GABRG1: variants seen among roughly 807,000 people sequenced by gnomAD.
The protein encoded by GABRG1 is gamma-aminobutyric acid type A receptor subunit gamma1.
A neutral mutation model predicts 49.8 loss-of-function variants in GABRG1; 49 were observed. That is an observed-to-expected ratio of 0.98 (90% CI 0.78 to 1.25). The LOEUF (loss-of-function observed/expected upper bound fraction) is 1.25, where lower values mean the gene tolerates loss of function less well. Ranked by LOEUF, GABRG1 falls within the 50% of genes most tolerant of loss-of-function variation. GABRG1 has a pLI of 0.00. For synonymous variants in GABRG1, 232 were observed against 185.1 expected, an observed-to-expected ratio of 1.25 and a Z score of -2.06; for missense variants, 552 against 552.3, an observed-to-expected ratio of 1.00 and a Z score of 0.01.
At chr4:46,069,651 A>G (rs990729477) in intron 3 of GABRG1, among the ~76,000 whole-genome samples, 1 of 152,142 alleles carries the variant, frequency 6.6e-6, no homozygotes, top group Non-Finnish European at 1.5e-5. Context: ...CTCTCTTTTT[A>G]TATCTATGAA....
intron 5 of GABRG1, among the ~76,000 whole-genome samples, chr4:46,060,027 C>T (rs1718612296): frequency 6.6e-6 from 1 of 151,902 alleles, no homozygotes; most frequent in Non-Finnish European, 1.5e-5. Context: ...TTTTTGTCTA[C>T]TTTGTAGCTG....
intron 1 of GABRG1, among the ~76,000 whole-genome samples, chr4:46,112,255 G>A (rs984916100): frequency 5.8e-4 from 88 of 151,098 alleles, no homozygotes; most frequent in African/African-American, 2.0e-3. Context: ...ACCTCTAAAC[G>A]TCAGAGAAAT....
At chr4:46,058,678 C>G (rs1718552333) in intron 5 of GABRG1, 56 bp from the exon 6 acceptor site, 2 of 1,321,616 alleles carry the variant, frequency 1.5e-6, no homozygotes, top group Non-Finnish European at 2.1e-6. Flanking sequence ...CATTGCAATG[C>G]CAACATTATC....
Position 46,036,738 on chromosome 4 carries a change from T to C in GABRG1, c.*4250A>G, listed in dbSNP as rs1717543434. The C allele has an allele frequency of 6.6e-6, 1 of 152,002 alleles. No individual in the cohort carries two copies. The highest frequency in any genetic ancestry group is 2.4e-5 in the African/African-American group (1 of 41,450). 9.4% of individuals were successfully genotyped at this position (152,002 alleles called of 1,614,324 possible). On this transcript the variant is annotated 3_prime_UTR_variant, in exon 9 of 9. Coordinates refer to ENST00000295452, the MANE Select transcript of GABRG1 (RefSeq NM_173536.4). ...GCCACTATAAGCTTATACGCCTAAC[T>C]GGCTTGTTATATTCCAAACCATCAC...
chr4:46,037,914 T>C lies in GABRG1; in HGVS notation c.*3074A>G, dbSNP rs1717592349. 1 of 151,700 alleles carries C rather than the reference T, an allele frequency of 6.6e-6. No individual in the cohort carries two copies. The highest frequency in any genetic ancestry group is 1.5e-5 in the Non-Finnish European group (1 of 67,734). 9.4% of individuals were successfully genotyped at this position (151,700 alleles called of 1,614,324 possible). On this transcript the variant is annotated 3_prime_UTR_variant, in exon 9 of 9. Coordinates refer to ENST00000295452, the MANE Select transcript of GABRG1 (RefSeq NM_173536.4). ...GAATTGGCATGAATGCAGATTTCAATTTTATTCTTGTTCTTGAGACAAAAA... is the reference window on the plus strand; with the variant it reads ...GAATTGGCATGAATGCAGATTTCAACTTTATTCTTGTTCTTGAGACAAAAA...
chr4:46,091,598 T>C (rs1719992197), intron 2 of GABRG1, among the ~76,000 whole-genome samples: 1 of 152,026 alleles, frequency 6.6e-6, no homozygotes, highest in African/African-American at 2.4e-5. Flanking sequence ...GTGTAAATAC[T>C]ACCAGTGAGA....
At chr4:46,078,827 T>G (rs894064463) in intron 3 of GABRG1, among the ~76,000 whole-genome samples, 1 of 151,912 alleles carries the variant, frequency 6.6e-6, no homozygotes. Context: ...ATTAAAAAAT[T>G]TTTTGAATTT....
At chr4:46,082,822 T>C (rs1719624529) in intron 3 of GABRG1, among the ~76,000 whole-genome samples, 1 of 151,800 alleles carries the variant, frequency 6.6e-6, no homozygotes, top group South Asian at 2.1e-4. Context: ...TGCTTCTCTT[T>C]CTTGCAACTA....
intron 1 of GABRG1, among the ~76,000 whole-genome samples, chr4:46,118,243 G>T (rs2109446976): frequency 6.9e-6 from 1 of 144,538 alleles, no homozygotes; most frequent in African/African-American, 2.6e-5. Context: ...ATTACATATA[G>T]ATCTATCTAT....
intron 5 of GABRG1, among the ~76,000 whole-genome samples, chr4:46,060,410 C>G (rs879841336): frequency 6.6e-6 from 1 of 152,108 alleles, no homozygotes; most frequent in East Asian, 1.9e-4. Context: ...GAAATTACCA[C>G]GTTTTGTCAA....
At chr4:46,092,296 A>T (rs192537256) in intron 2 of GABRG1, among the ~76,000 whole-genome samples, 3 of 152,006 alleles carry the variant, frequency 2.0e-5, no homozygotes, top group African/African-American at 7.2e-5. Context: ...TCAGATAAAT[A>T]TAGAATAAAA....
chr4:46,113,978 C>A (rs963042952), intron 1 of GABRG1, among the ~76,000 whole-genome samples: 3 of 150,930 alleles, frequency 2.0e-5, no homozygotes, highest in Non-Finnish European at 4.5e-5. Flanking sequence ...TACTCTATGT[C>A]AAGAACTGTA....
intron 3 of GABRG1, among the ~76,000 whole-genome samples, chr4:46,071,159 G>T (rs1719104025): frequency 6.6e-6 from 1 of 151,868 alleles, no homozygotes; most frequent in Non-Finnish European, 1.5e-5. Context: ...TTGTTTAAAA[G>T]TATAATACAC....
In GABRG1 at chr4:46,098,849, TG is replaced by T. The variant is rs1181801872; in HGVS notation, c.105-1501del. 8.6e-5 allele frequency among the ~76,000 whole-genome samples: 13 copies of T among 151,692 alleles called. No homozygotes were observed. In the East Asian group the frequency reaches 1.2e-3, roughly 14 times the overall value. On this transcript the variant is annotated intron_variant, in intron 1 of 8. Coordinates refer to ENST00000295452, the MANE Select transcript of GABRG1 (RefSeq NM_173536.4). ...CTTTGTAGGCTCTCTGTACAATGGT[TG>T]GGGGGTTGGGGCACTTAATTGTATC...
chr4:46,056,662 T>A (rs1004826632), intron 7 of GABRG1, among the ~76,000 whole-genome samples: 1 of 152,098 alleles, frequency 6.6e-6, no homozygotes, highest in Non-Finnish European at 1.5e-5. Context: ...TAAAATTTTA[T>A]TCACTGTTAA....
chr4:46,081,585 A>G (rs1338090275), intron 3 of GABRG1, among the ~76,000 whole-genome samples: 2 of 151,830 alleles, frequency 1.3e-5, no homozygotes, highest in African/African-American at 2.4e-5. Flanking sequence ...ATAAAGTGGT[A>G]AAGCCTGTAA....
chr4:46,079,338 C>T (rs555121711), intron 3 of GABRG1, among the ~76,000 whole-genome samples: 1 of 151,992 alleles, frequency 6.6e-6, no homozygotes, highest in Admixed American at 6.6e-5. Context: ...TGTTCCTCAG[C>T]CCTGTCTCCG....
chr4:46,050,642 A>C (rs771251885), intron 8 of GABRG1, among the ~76,000 whole-genome samples: 2 of 151,940 alleles, frequency 1.3e-5, no homozygotes, highest in Non-Finnish European at 2.9e-5. Flanking sequence ...AGAACAGGAT[A>C]TATAAAGGAA....
At chr4:46,058,650 A>G in intron 5 of GABRG1, 28 bp from the exon 6 acceptor site, 1 of 1,580,878 alleles carries the variant, frequency 6.3e-7, no homozygotes. Flanking sequence ...ATAGATTAGC[A>G]AGATCCAAAT....
Sources: allele counts gnomAD v4.1 joint callset (sites outside exome capture counted in the v4.1 genomes callset), GRCh38; gene constraint gnomAD v4.1.1; transcripts MANE v1.5; gene names NCBI Gene and HGNC (gene_info 2026-07-23, HGNC 2026-07-21).